Variants in SUMF1 observed in about 807,000 individuals in gnomAD.
SUMF1 encodes sulfatase modifying factor 1.
Under a neutral mutation model 47.6 loss-of-function variants are expected in SUMF1, and 48 were observed. That is an observed-to-expected ratio of 1.01 (90% CI 0.80 to 1.28). SUMF1 has a LOEUF of 1.28. Ranked by LOEUF, SUMF1 falls within the 50% of genes most tolerant of loss-of-function variation. The probability of loss-of-function intolerance (pLI) is 0.00; values close to 1 mark genes in which losing one functional copy is unlikely to be tolerated. For synonymous variants in SUMF1, 230 were observed against 192.1 expected, an observed-to-expected ratio of 1.20 and a Z score of -1.63; for missense variants, 571 against 485.4, an observed-to-expected ratio of 1.18 and a Z score of -1.66.
chr3:4,259,382 T>A (rs1405724895), intron 8 of SUMF1, among the ~76,000 whole-genome samples: 1 of 152,156 alleles, frequency 6.6e-6, no homozygotes, highest in Non-Finnish European at 1.5e-5. Flanking sequence ...GACCTACATG[T>A]TACGTAAGGC....
In SUMF1 at chr3:4,191,313, A is replaced by G. The variant is rs371742102; in HGVS notation, c.1015-122568T>C. Among the ~76,000 whole-genome samples the G allele has an allele frequency of 4.6e-5, 7 of 152,280 alleles. No homozygotes were observed. In the East Asian group the frequency reaches 1.2e-3, roughly 25 times the overall value. ...TCCCACCATACTCACACAGCAAGCC[A>G]CACTTTGGTGCAGCTTCGACAAAGA... On this transcript the variant is annotated intron_variant and NMD_transcript_variant, in intron 8 of 12. Transcript: ENST00000448413.
intron 8 of SUMF1, among the ~76,000 whole-genome samples, chr3:4,253,768 A>G (rs1261573710): frequency 6.8e-6 from 1 of 146,058 alleles, no homozygotes; most frequent in African/African-American, 2.6e-5. Context: ...CCACAGCTCA[A>G]GGAGGCCTGC....
At chr3:4,436,741 C>A (rs1448236649) in intron 3 of SUMF1, among the ~76,000 whole-genome samples, 1 of 151,426 alleles carries the variant, frequency 6.6e-6, no homozygotes, top group Admixed American at 6.6e-5. Flanking sequence ...GATTAACATG[C>A]TACAGATCCT....
intron 9 of SUMF1, among the ~76,000 whole-genome samples, chr3:4,040,033 T>C (rs1329558283): frequency 6.6e-6 from 1 of 152,224 alleles, no homozygotes; most frequent in African/African-American, 2.4e-5. Flanking sequence ...AAAAATGTTT[T>C]GTATACTTGA....
At chr3:4,433,885 C>G (rs141486071) in intron 3 of SUMF1, among the ~76,000 whole-genome samples, 5 of 152,288 alleles carry the variant, frequency 3.3e-5, no homozygotes, top group African/African-American at 1.2e-4. Flanking sequence ...TAACAGACCT[C>G]AAGAAGGCAT....
chr3:4,175,950 T>C (rs1694950503), intron 8 of SUMF1, among the ~76,000 whole-genome samples: 1 of 152,018 alleles, frequency 6.6e-6, no homozygotes, highest in Admixed American at 6.6e-5. Context: ...TGAATGAAGA[T>C]TAAATTAATG....
intron 8 of SUMF1, among the ~76,000 whole-genome samples, chr3:4,179,316 T>C (rs896414122): frequency 6.6e-6 from 1 of 152,106 alleles, no homozygotes; most frequent in Non-Finnish European, 1.5e-5. Context: ...CAAAACAGCA[T>C]GCTACTGGTA....
chr3:4,118,648 G>A (rs928357575), intron 8 of SUMF1, among the ~76,000 whole-genome samples: 2 of 152,034 alleles, frequency 1.3e-5, no homozygotes, highest in Non-Finnish European at 2.9e-5. Context: ...ACTTATTGAA[G>A]TCAACATTGA....
At chr3:4,102,524 C>A (rs1458847726) in intron 8 of SUMF1, among the ~76,000 whole-genome samples, 1 of 152,118 alleles carries the variant, frequency 6.6e-6, no homozygotes, top group African/African-American at 2.4e-5. Flanking sequence ...TAATTTCTAG[C>A]CATTTGTCAA....
chr3:4,388,964 T>C (rs373429126), intron 7 of SUMF1, among the ~76,000 whole-genome samples: 29 of 152,340 alleles, frequency 1.9e-4, no homozygotes, highest in African/African-American at 7.0e-4. Context: ...GACAATGTTA[T>C]AATTTGTTTC....
intron 8 of SUMF1, among the ~76,000 whole-genome samples, chr3:4,180,683 A>AACACTAACACACACACACACACACAC (rs1695076008): frequency 7.2e-6 from 1 of 139,642 alleles, no homozygotes; most frequent in Non-Finnish European, 1.5e-5. Flanking sequence ...CCTAGAACTT[A>AACACTAACACACACACACACACACAC]ACACACACAC....
At chr3:4,436,859 A>C (rs1449552612) in intron 3 of SUMF1, among the ~76,000 whole-genome samples, 2 of 96,356 alleles carry the variant, frequency 2.1e-5, no homozygotes, top group Non-Finnish European at 5.6e-5. Context: ...CCTAAAAAAA[A>C]AAAAATACAA....
chr3:4,337,107 T>C (rs561536186), intron 8 of SUMF1, among the ~76,000 whole-genome samples: 41 of 152,348 alleles, frequency 2.7e-4, no homozygotes, highest in Admixed American at 7.2e-4. Flanking sequence ...CTCTTATGAT[T>C]CTTGTTTACA....
chr3:4,311,588 A>C (rs1008272623), intron 8 of SUMF1, among the ~76,000 whole-genome samples: 1 of 152,242 alleles, frequency 6.6e-6, no homozygotes, highest in Non-Finnish European at 1.5e-5. Context: ...ACTTCTGAAC[A>C]ATGAGATTAT....
At chr3:4,278,281 G>A (rs904800998) in intron 8 of SUMF1, among the ~76,000 whole-genome samples, 6 of 151,698 alleles carry the variant, frequency 4.0e-5, no homozygotes, top group Non-Finnish European at 5.9e-5. Context: ...TTGATATATT[G>A]TACCAACTAC....
chr3:4,234,921 A>G (rs1696376269), intron 8 of SUMF1, among the ~76,000 whole-genome samples: 1 of 152,158 alleles, frequency 6.6e-6, no homozygotes, highest in Admixed American at 6.6e-5. Context: ...TTGTATGTAG[A>G]TGTGTGTGTG....
At chr3:4,353,191 G>A (rs1156610027) in intron 8 of SUMF1, among the ~76,000 whole-genome samples, 1 of 152,194 alleles carries the variant, frequency 6.6e-6, no homozygotes, top group Non-Finnish European at 1.5e-5. Context: ...TTGAGGCCGG[G>A]AGCTTAAGAC....
intron 8 of SUMF1, among the ~76,000 whole-genome samples, chr3:4,170,119 C>T (rs201754651): frequency 5.2e-4 from 79 of 152,264 alleles, no homozygotes; most frequent in Non-Finnish European, 9.6e-4. Flanking sequence ...ACAATATGCT[C>T]ATTTATTTAT....
chr3:4,183,555 A>C (rs1254697350), intron 8 of SUMF1, among the ~76,000 whole-genome samples: 1 of 152,216 alleles, frequency 6.6e-6, no homozygotes, highest in East Asian at 1.9e-4. Context: ...TTGCTGATTC[A>C]GACCTAATTT....
Sources: gnomAD v4.1 joint callset for allele counts (sites outside exome capture counted in the v4.1 genomes callset) on GRCh38, gnomAD v4.1.1 for gene constraint, MANE v1.5 for transcripts, NCBI Gene and HGNC (gene_info 2026-07-23, HGNC 2026-07-21) for gene names.